Variants in CREBRF observed in about 807,000 individuals in gnomAD.
The protein encoded by CREBRF is UPF0474 protein C5orf41.
Under a neutral mutation model 66.1 loss-of-function variants are expected in CREBRF, and 5 were observed. The ratio of observed to expected loss-of-function variants is 0.08; its 90% CI spans 0.04 to 0.16. The LOEUF (loss-of-function observed/expected upper bound fraction) is 0.16. Among genes scored for constraint, CREBRF ranks in the 10% least tolerant of loss-of-function variants. CREBRF has a pLI of 1.00. For synonymous variants in CREBRF, 229 were observed against 264.4 expected, an observed-to-expected ratio of 0.87 and a Z score of 1.30; for missense variants, 531 against 744.9, an observed-to-expected ratio of 0.71 and a Z score of 3.34.
chr5:173,068,054 C>A, intron 1 of CREBRF: 1 of 423,470 alleles, frequency 2.4e-6, no homozygotes, highest in Middle Eastern at 3.7e-4. Flanking sequence ...GTATATCCTC[C>A]CAGTAGAGTG....
intron 4 of CREBRF, among the ~76,000 whole-genome samples, chr5:173,103,453 AG>A (rs1758674724): frequency 6.6e-6 from 1 of 152,246 alleles, no homozygotes; most frequent in Non-Finnish European, 1.5e-5. Context: ...GGTGAGAAAC[AG>A]GAAGAAATTC....
intron 3 of CREBRF, among the ~76,000 whole-genome samples, chr5:173,087,906 C>T (rs1026518659): frequency 6.6e-6 from 1 of 151,434 alleles, no homozygotes; most frequent in African/African-American, 2.4e-5. Context: ...TCACTGCAAC[C>T]TCCGCCTCCC....
chr5:173,121,316 T>C (rs964717239), intron 7 of CREBRF, among the ~76,000 whole-genome samples: 15 of 150,462 alleles, frequency 1.0e-4, no homozygotes, highest in African/African-American at 3.2e-4. Flanking sequence ...TTACTTACTT[T>C]GAGTTAACTT....
At position 173,110,517 on chromosome 5, in the gene CREBRF, T is replaced by G. The variant is rs375965664; in HGVS notation, c.1418-5T>G. The G allele has an allele frequency of 6.2e-7, 1 of 1,607,992 alleles. No individual in the cohort carries two copies. Among genetic ancestry groups the G allele is most frequent in the South Asian group, 1.1e-5 (1 of 90,942 alleles). ...TGACTTAAACTTCTTTTAAACTGTT[T>G]ATAGGAAAATATGCAGTAAAGAAGT... On this transcript the variant is annotated splice_polypyrimidine_tract_variant and splice_region_variant and intron_variant, in intron 5 of 8. Coordinates refer to ENST00000296953, the MANE Select transcript of CREBRF (RefSeq NM_153607.3).
At chr5:173,100,124 A>G (rs1405614496) in intron 4 of CREBRF, among the ~76,000 whole-genome samples, 113 of 55,010 alleles carry the variant, frequency 2.1e-3, no homozygotes, top group South Asian at 4.2e-3. Context: ...GTGTGTATAT[A>G]TATATAATTT....
intron 7 of CREBRF, among the ~76,000 whole-genome samples, chr5:173,119,895 T>G (rs1759098073): frequency 6.6e-6 from 1 of 152,218 alleles, no homozygotes; most frequent in Non-Finnish European, 1.5e-5. Context: ...CATATTCATC[T>G]GTTAAAGTGG....
intron 8 of CREBRF, among the ~76,000 whole-genome samples, chr5:173,132,857 T>G (rs576492631): frequency 1.9e-4 from 29 of 150,508 alleles, no homozygotes; most frequent in Admixed American, 7.3e-4. Flanking sequence ...CCTCAGGTGA[T>G]CCGCCAACCT....
At chr5:173,123,998 ATTTCTTTCT>A (rs1461175053) in intron 8 of CREBRF, 3 of 151,928 alleles carry the variant, frequency 2.0e-5, no homozygotes, top group Non-Finnish European at 4.4e-5. Flanking sequence ...CTTTCATAGC[ATTTCTTTCT>A]TTTCTTTCCT....
chr5:173,056,860 G>T (rs1581647031), intron 1 of CREBRF, among the ~76,000 whole-genome samples: 1 of 150,580 alleles, frequency 6.6e-6, no homozygotes, highest in Admixed American at 6.6e-5. Context: ...CCGGCAGTCG[G>T]CCTGTCAGAG....
chr5:173,058,219 T>C (rs1757134421), intron 1 of CREBRF, among the ~76,000 whole-genome samples: 2 of 152,184 alleles, frequency 1.3e-5, no homozygotes, highest in African/African-American at 4.8e-5. Context: ...AATCTAATTG[T>C]ATTATGGTTA....
chr5:173,120,859 A>G (rs1369438660), intron 7 of CREBRF, among the ~76,000 whole-genome samples: 1 of 151,270 alleles, frequency 6.6e-6, no homozygotes, highest in Non-Finnish European at 1.5e-5. Flanking sequence ...AAGCCCAGCT[A>G]ATTTTTATAT....
Position 173,087,721 on chromosome 5 carries a change from C to T in CREBRF, c.135+1095C>T, listed in dbSNP as rs550847522. ...AAGGATGCTTCTGGGTATGGTGGCT[C>T]ATGCCTGTAATCCCAGCACTTTGAG... On this transcript the variant is annotated intron_variant, in intron 3 of 8. Coordinates refer to ENST00000296953, the MANE Select transcript of CREBRF (RefSeq NM_153607.3). Among the ~76,000 whole-genome samples, 3 of 152,038 alleles carry T rather than the reference C, an allele frequency of 2.0e-5. No homozygotes were observed. In the East Asian group the frequency reaches 5.9e-4, roughly 30 times the overall value.
At chr5:173,126,388 G>A (rs533301503) in intron 8 of CREBRF, among the ~76,000 whole-genome samples, 220 of 152,270 alleles carry the variant, frequency 1.4e-3, no homozygotes, top group South Asian at 2.5e-3. Flanking sequence ...TGATCTGCCC[G>A]CCTTGGCCTC....
rs563639484 is a variant in CREBRF at position 173,102,646 on chromosome 5, A to C, written c.1223-5978A>C. Among the ~76,000 whole-genome samples, 3 of 152,096 alleles carry C rather than the reference A, an allele frequency of 2.0e-5. No individual in the cohort carries two copies. The East Asian group carries it at 5.8e-4, about 30-fold the overall frequency. On this transcript the variant is annotated intron_variant, in intron 4 of 8. Coordinates refer to ENST00000296953, the MANE Select transcript of CREBRF (RefSeq NM_153607.3). ...TTTGAGTCTGAATCCACGAGAACTT[A>C]CCTGGCACCTGTATCTGTGGGAGTG...
intron 5 of CREBRF, chr5:173,109,431 A>G (rs1240036408): frequency 6.6e-6 from 1 of 152,212 alleles, no homozygotes; most frequent in Admixed American, 6.6e-5. Context: ...AATTGTGATT[A>G]TGCTACTGCA....
rs1175900441 is a variant in CREBRF at position 173,134,721 on chromosome 5, AT to A, written c.*977del. ...AGTAAAGTTTTGCACAGCTTACATG[AT>A]ACTGTATGAATGTATGAAAAAAAAG... is the stretch of plus-strand genomic sequence containing the variant. On this transcript the variant is annotated 3_prime_UTR_variant, in exon 9 of 9. Transcript: ENST00000296953. 1 of 152,412 alleles carries A rather than the reference AT, an allele frequency of 6.6e-6. No homozygotes were observed. The highest frequency in any genetic ancestry group is 1.5e-5 in the Non-Finnish European group (1 of 68,022). 9.4% of individuals were successfully genotyped at this position (152,412 alleles called of 1,614,324 possible). A position where few individuals can be genotyped will look rare whatever the true frequency, so the allele number is the denominator to read the frequency against.
intron 7 of CREBRF, among the ~76,000 whole-genome samples, chr5:173,121,768 G>A (rs1259013262): frequency 5.9e-5 from 9 of 152,224 alleles, no homozygotes. Context: ...GGCACTATCA[G>A]GTCTTAAAGC....
intron 1 of CREBRF, among the ~76,000 whole-genome samples, chr5:173,063,470 C>T (rs1260808219): frequency 3.3e-5 from 5 of 151,882 alleles, no homozygotes; most frequent in African/African-American, 9.7e-5. Flanking sequence ...TGGGTTCAAG[C>T]GATTTTCCTG....
intron 4 of CREBRF, among the ~76,000 whole-genome samples, chr5:173,100,748 T>G (rs1758612142): frequency 6.6e-6 from 1 of 152,238 alleles, no homozygotes; most frequent in Admixed American, 6.5e-5. Context: ...TTCATGCTGT[T>G]AGTTAGCATC....
Sources: allele counts gnomAD v4.1 joint callset (sites outside exome capture counted in the v4.1 genomes callset), GRCh38; gene constraint gnomAD v4.1.1; transcripts MANE v1.5; gene names NCBI Gene and HGNC (gene_info 2026-07-23, HGNC 2026-07-21).